The following LGALS3BP variants were observed in gnomAD, a reference collection of about 807,000 sequenced individuals.
LGALS3BP encodes galectin-3-binding protein.
A neutral mutation model predicts 22.9 loss-of-function variants in LGALS3BP; 25 were observed. The ratio of observed to expected loss-of-function variants is 1.09; its 90% CI spans 0.80 to 1.53. The LOEUF (loss-of-function observed/expected upper bound fraction) is 1.53. Among genes scored for constraint, LGALS3BP ranks in the 40% most tolerant of loss-of-function variants. The probability of loss-of-function intolerance (pLI) is 0.00; values close to 1 mark genes in which losing one functional copy is unlikely to be tolerated. For missense variants in LGALS3BP, 718 were observed against 752.0 expected (o/e 0.95, Z 0.53); for synonymous variants, 335 against 331.1 (o/e 1.01, Z -0.13).
At chr17:78,977,347 A>G (rs2070730226) in intron 1 of LGALS3BP, 133 bp from the exon 2 acceptor site, 3 of 680,370 alleles carry the variant, frequency 4.4e-6, no homozygotes, top group South Asian at 1.8e-5. Flanking sequence ...TGCAGAGCCC[A>G]CTATGATCCC....
rs1167348303 is a variant in LGALS3BP at position 78,971,710 on chromosome 17, C to A, written c.1624G>T (p.Ala542Ser). Reference sequence around the variant, plus strand: ...GTGTCCAGGGCACTGGGAATCGCAGCCTTCCAGCCCTCGAAATCGGTGACG... The same window carrying A: ...GTGTCCAGGGCACTGGGAATCGCAGACTTCCAGCCCTCGAAATCGGTGACG... ...ADVTDFEGWK[A>S]AIPSALDTNS... Residue 542 changes from alanine to serine, a missense_variant, in exon 6 of 6, where the codon GCT becomes TCT. By Grantham distance (99) the Ala-to-Ser change is moderately conservative. Coordinates refer to ENST00000262776, the MANE Select transcript of LGALS3BP (RefSeq NM_005567.4). The surrounding 1 kb of genome is among the most constrained non-coding windows in gnomAD (Gnocchi z 5.6). 6.2e-7 allele frequency: 1 copy of A among 1,613,996 alleles called. No individual in the cohort carries two copies. Among genetic ancestry groups the A allele is most frequent in the Non-Finnish European group, 8.5e-7 (1 of 1,180,026 alleles).
Position 78,976,978 on chromosome 17 carries a change from A to G in LGALS3BP, c.52+162T>C. ...GTGAGCCCCCGGGAACCTCCAAGTCATCATCACTGGGGATACCTGGTGCTT... is the reference window on the plus strand; with the variant it reads ...GTGAGCCCCCGGGAACCTCCAAGTCGTCATCACTGGGGATACCTGGTGCTT... On this transcript the variant is annotated intron_variant, in intron 2 of 5. Transcript: ENST00000262776. The surrounding 1 kb of genome is among the most constrained non-coding windows in gnomAD (Gnocchi z 4.6). 1 of 716,068 alleles carries G rather than the reference A, an allele frequency of 1.4e-6. No individual in the cohort carries two copies. 44.4% of individuals were successfully genotyped at this position (716,068 alleles called of 1,614,324 possible). A position where few individuals can be genotyped will look rare whatever the true frequency, so the allele number is the denominator to read the frequency against.
Position 78,976,274 on chromosome 17 carries a change from G to C in LGALS3BP, c.53-118C>G, listed in dbSNP as rs536020723. ...CTGAGCTTGTATTTCAGGGCTTCAA[G>C]GTCCCCTGGCCTCTCCATGAGGGGC... On this transcript the variant is annotated intron_variant, in intron 2 of 5. Transcript: ENST00000262776. The surrounding 1 kb of genome is among the most constrained non-coding windows in gnomAD (Gnocchi z 4.6). 1.1e-6 allele frequency: 1 copy of C among 910,814 alleles called. No homozygotes were observed. Among genetic ancestry groups the C allele is most frequent in the East Asian group, 2.7e-5 (1 of 36,670 alleles). 56.4% of individuals were successfully genotyped at this position (910,814 alleles called of 1,614,324 possible). A position where few individuals can be genotyped will look rare whatever the true frequency, so the allele number is the denominator to read the frequency against.
Position 78,971,282 on chromosome 17 carries a change from C to T in LGALS3BP, c.*294G>A. Reference sequence around the variant, plus strand: ...GGAACCTCAATGTAATTTTAATGACCTCAGACCAGTGACAAGGGCAGACTG... The same window carrying T: ...GGAACCTCAATGTAATTTTAATGACTTCAGACCAGTGACAAGGGCAGACTG... On this transcript the variant is annotated 3_prime_UTR_variant, in exon 6 of 6. Transcript: ENST00000262776. The surrounding 1 kb of genome is among the most constrained non-coding windows in gnomAD (Gnocchi z 5.6). The T allele has an allele frequency of 2.2e-6, 1 of 455,884 alleles. No homozygotes were observed. The highest frequency in any genetic ancestry group is 4.0e-6 in the Non-Finnish European group (1 of 252,742). The allele number at this position is 455,884 out of a possible 1,614,324, so 28.2% of individuals were successfully genotyped here.
chr17:78,971,987 G>T lies in LGALS3BP; in HGVS notation c.1347C>A (p.Ala449=). The T allele has an allele frequency of 6.8e-6, 11 of 1,614,114 alleles. No individual in the cohort carries two copies. The highest frequency in any genetic ancestry group is 8.5e-6 in the Non-Finnish European group (10 of 1,180,028). ...AGGGGTAGTATCTGTAGTCAGAGGG[G>T]GCTTGGAAGTAATCAGAAGAATATT... ...LVKYSSDYFQ[A]PSDYRYYPYQ... The change falls in exon 6 of 6, where the codon GCC becomes GCA. Residue 449 remains alanine (A), a synonymous_variant. Transcript: ENST00000262776. The surrounding 1 kb of genome is among the most constrained non-coding windows in gnomAD (Gnocchi z 5.6).
Position 78,971,780 on chromosome 17 carries a change from G to C in LGALS3BP, c.1554C>G (p.Tyr518Ter). ...KSGGSDRTIA[Y>*]ENKALMLCEG... Reference sequence around the variant, plus strand: ...CGCAGAGCATCAGGGCTTTGTTTTCGTAGGCAATGGTGCGATCTGAGCCGC... The same window carrying C: ...CGCAGAGCATCAGGGCTTTGTTTTCCTAGGCAATGGTGCGATCTGAGCCGC... Residue 518 changes from tyrosine to a stop codon, truncating the protein, a stop_gained, in exon 6 of 6, where the codon TAC (tyrosine) becomes TAG (stop). Coordinates refer to ENST00000262776, the MANE Select transcript of LGALS3BP (RefSeq NM_005567.4). LOFTEE classifies it low-confidence loss of function (END_TRUNC). This position sits in a 1 kb window ranked among gnomAD's most constrained non-coding sequence, Gnocchi z 5.6. 6.2e-7 allele frequency: 1 copy of C among 1,614,082 alleles called. No homozygotes were observed. Among genetic ancestry groups the C allele is most frequent in the Non-Finnish European group, 8.5e-7 (1 of 1,180,040 alleles).
Position 78,972,428 on chromosome 17 carries a change from G to C in LGALS3BP, c.906C>G (p.Asp302Glu), listed in dbSNP as rs368741094. ...TCCTGGGCAGCAGCAGTTGGAGCAGGTCTGTGGGGACACTGGGCCAGGCCT... is the reference window on the plus strand; with the variant it reads ...TCCTGGGCAGCAGCAGTTGGAGCAGCTCTGTGGGGACACTGGGCCAGGCCT... Reference protein sequence around the residue: ...QAEAWPSVPTDLLQLLLPRSD... With the variant: ...QAEAWPSVPTELLQLLLPRSD... Residue 302 changes from aspartate (D) to glutamate (E), a missense_variant, in exon 6 of 6, where the codon GAC becomes GAG. By Grantham distance (45) the Asp-to-Glu change is conservative (BLOSUM62 2). Transcript: ENST00000262776. The surrounding 1 kb of genome is among the most constrained non-coding windows in gnomAD (Gnocchi z 5.1). 1.4e-5 allele frequency: 22 copies of C among 1,613,470 alleles called. No individual in the cohort carries two copies. The highest frequency in any genetic ancestry group is 1.7e-5 in the Non-Finnish European group (20 of 1,179,992).
chr17:78,975,406 C>T (rs143604662), intron 3 of LGALS3BP, among the ~76,000 whole-genome samples: 9 of 152,230 alleles, frequency 5.9e-5, no homozygotes, highest in African/African-American at 1.9e-4. Flanking sequence ...CGAGCCCAGC[C>T]GAGCTCTTGA....
rs2070674749 is a variant in LGALS3BP at position 78,971,913 on chromosome 17, TTGTCCTGGAAGAGGAAGC to T, written c.1403_1420del (p.Ser468_Asp473del). 6.2e-7 allele frequency: 1 copy of T among 1,613,892 alleles called. No individual in the cohort carries two copies. The highest frequency in any genetic ancestry group is 8.5e-7 in the Non-Finnish European group (1 of 1,179,950). ...GTAGACCAGGGACCAGGACACCCTCTTGTCCTGGAAGAGGAAGCTGGGGTGTTGTGGAGTCTGGAAGGA... is the reference window on the plus strand; with the variant it reads ...GTAGACCAGGGACCAGGACACCCTCTTGGGGTGTTGTGGAGTCTGGAAGGA... On this transcript the variant is annotated inframe_deletion, in exon 6 of 6. Coordinates refer to ENST00000262776, the MANE Select transcript of LGALS3BP (RefSeq NM_005567.4). The surrounding 1 kb of genome is among the most constrained non-coding windows in gnomAD (Gnocchi z 5.6).
At position 78,974,569 on chromosome 17, in the gene LGALS3BP, G is replaced by A. The variant is rs1045933992; in HGVS notation, c.376+119C>T. The A allele has an allele frequency of 1.3e-5, 15 of 1,191,224 alleles. No individual in the cohort carries two copies. The Admixed American group carries it at 1.4e-4, about 11-fold the overall frequency. 73.8% of individuals were successfully genotyped at this position (1,191,224 alleles called of 1,614,324 possible). A position where few individuals can be genotyped will look rare whatever the true frequency, so the allele number is the denominator to read the frequency against. On this transcript the variant is annotated intron_variant, in intron 4 of 5. Coordinates refer to ENST00000262776, the MANE Select transcript of LGALS3BP (RefSeq NM_005567.4). Reference sequence around the variant, plus strand: ...GCCTCTCCATGCGGAGTGGGCAGGCGGTAGTGGAAGGAACCTTTGTGTGCT... The same window carrying A: ...GCCTCTCCATGCGGAGTGGGCAGGCAGTAGTGGAAGGAACCTTTGTGTGCT...
Position 78,976,058 on chromosome 17 carries a change from T to C in LGALS3BP, c.151A>G (p.Asn51Asp). The change falls in exon 3 of 6, where the codon AAC becomes GAC. Residue 51 changes from asparagine (N) to aspartate (D), a missense_variant. Transcript: ENST00000262776. The surrounding 1 kb of genome is among the most constrained non-coding windows in gnomAD (Gnocchi z 4.6). The part of the protein sequence containing the change: ...YRGQWGTVCD[N>D]LWDLTDASVV... Reference sequence around the variant, plus strand: ...CTGGCATCAGTCAGGTCCCACAGGTTGTCACACACAGTGCCCCACTGGCCT... The same window carrying C: ...CTGGCATCAGTCAGGTCCCACAGGTCGTCACACACAGTGCCCCACTGGCCT... 1 of 1,612,514 alleles carries C rather than the reference T, an allele frequency of 6.2e-7. No individual in the cohort carries two copies. The highest frequency in any genetic ancestry group is 8.5e-7 in the Non-Finnish European group (1 of 1,179,764).
Position 78,971,722 on chromosome 17 carries a change from C to T in LGALS3BP, c.1612G>A (p.Glu538Lys), listed in dbSNP as rs747440122. ...GLFVADVTDF[E>K]GWKAAIPSAL... is the part of the protein sequence containing the mutation. ...CTGGGAATCGCAGCCTTCCAGCCCT[C>T]GAAATCGGTGACGTCTGCCACGAAG... The change falls in exon 6 of 6, where the codon GAG becomes AAG. Residue 538 changes from glutamate (E) to lysine (K), a missense_variant. Coordinates refer to ENST00000262776, the MANE Select transcript of LGALS3BP (RefSeq NM_005567.4). This position sits in a 1 kb window ranked among gnomAD's most constrained non-coding sequence, Gnocchi z 5.6. 1.4e-5 allele frequency: 23 copies of T among 1,613,882 alleles called. No individual in the cohort carries two copies. The East Asian group carries it at 2.7e-4, about 19-fold the overall frequency.
In LGALS3BP at chr17:78,971,821, C is replaced by T. The variant is rs374944167; in HGVS notation, c.1513G>A (p.Gly505Ser). 7.9e-5 allele frequency: 127 copies of T among 1,613,962 alleles called. No individual in the cohort carries two copies. The highest frequency in any genetic ancestry group is 1.0e-4 in the Non-Finnish European group (121 of 1,180,040). ...TCTGAGCCGCCAGACTTGGTGAGGC[C>T]CAGGACAGGGAGCTCGTCCGAGGAG... ...SCSSDELPVL[G>S]LTKSGGSDRT... The change falls in exon 6 of 6, where the codon GGC becomes AGC. Residue 505 changes from glycine to serine, a missense_variant. Transcript: ENST00000262776. This position sits in a 1 kb window ranked among gnomAD's most constrained non-coding sequence, Gnocchi z 5.6.
intron 3 of LGALS3BP, 56 bp from the exon 4 acceptor site, chr17:78,974,875 C>T (rs2070706968): frequency 3.1e-6 from 5 of 1,595,026 alleles, no homozygotes; most frequent in African/African-American, 1.3e-5. Context: ...CCAGGAGTCC[C>T]ACAGCGCGAC....
At position 78,976,055 on chromosome 17, in the gene LGALS3BP, G is replaced by C. The variant is rs2070717575; in HGVS notation, c.154C>G (p.Leu52Val). 2 of 1,612,566 alleles carry C rather than the reference G, an allele frequency of 1.2e-6. No homozygotes were observed. The change falls in exon 3 of 6, where the codon CTG (leucine) becomes GTG (valine). Residue 52 changes from leucine to valine, a missense_variant. By Grantham distance (32) the Leu-to-Val change is conservative. Transcript: ENST00000262776. The surrounding 1 kb of genome is among the most constrained non-coding windows in gnomAD (Gnocchi z 4.6). ...RGQWGTVCDN[L>V]WDLTDASVVC... ...ACGCTGGCATCAGTCAGGTCCCACA[G>C]GTTGTCACACACAGTGCCCCACTGG...
At chr17:78,974,210 A>C (rs1269813700) in intron 4 of LGALS3BP, among the ~76,000 whole-genome samples, 2 of 152,222 alleles carry the variant, frequency 1.3e-5, no homozygotes, top group African/African-American at 4.8e-5. Context: ...GAAAAACAAG[A>C]AACTCAGATC....
chr17:78,973,057 T>G lies in LGALS3BP; in HGVS notation c.542A>C (p.Glu181Ala), dbSNP rs764740898. Residue 181 changes from glutamate (E) to alanine (A), a missense_variant, in exon 5 of 6, where the codon GAG becomes GCG. Physicochemically the swap from Glu to Ala is moderately radical, Grantham distance 107 (BLOSUM62 -1). Transcript: ENST00000262776. This position sits in a 1 kb window ranked among gnomAD's most constrained non-coding sequence, Gnocchi z 5.8. Reference protein sequence around the residue: ...GHTVILTANLEAQALWKEPGS... With the variant: ...GHTVILTANLAAQALWKEPGS... ...CGGCTCCTTCCACAGGGCCTGGGCC[T>G]CCAGGTTGGCAGTCAGGATGACCGT... 1.2e-6 allele frequency: 2 copies of G among 1,613,866 alleles called. No homozygotes were observed. The highest frequency in any genetic ancestry group is 2.2e-5 in the South Asian group (2 of 91,072).
chr17:78,974,856 C>T (rs1326817949), intron 3 of LGALS3BP, 37 bp from the exon 4 acceptor site: 4 of 1,604,696 alleles, frequency 2.5e-6, no homozygotes, highest in African/African-American at 1.3e-5. Flanking sequence ...GGGGGCGTGA[C>T]GACTGCACCC....
rs1488732340 is a variant in LGALS3BP at position 78,971,339 on chromosome 17, C to G, written c.*237G>C. 7.2e-6 allele frequency: 4 copies of G among 558,554 alleles called. No individual in the cohort carries two copies. The highest frequency in any genetic ancestry group is 1.3e-5 in the Non-Finnish European group (4 of 313,894). The allele number at this position is 558,554 out of a possible 1,614,324, so 34.6% of individuals were successfully genotyped here. A position where few individuals can be genotyped will look rare whatever the true frequency, so the allele number is the denominator to read the frequency against. On this transcript the variant is annotated 3_prime_UTR_variant, in exon 6 of 6. Coordinates refer to ENST00000262776, the MANE Select transcript of LGALS3BP (RefSeq NM_005567.4). This position sits in a 1 kb window ranked among gnomAD's most constrained non-coding sequence, Gnocchi z 5.6. Reference sequence around the variant, plus strand: ...GGCTGTGGGGGGATCCCAGAGCAACCTCGAGGGCGTCCTGGTGCTTACCAC... The same window carrying G: ...GGCTGTGGGGGGATCCCAGAGCAACGTCGAGGGCGTCCTGGTGCTTACCAC...
Sources: gnomAD v4.1 joint callset for allele counts (sites outside exome capture counted in the v4.1 genomes callset) on GRCh38, gnomAD v4.1.1 for gene constraint, Gnocchi (gnomAD v3.1) non-coding constraint, MANE v1.5 for transcripts, NCBI Gene and HGNC (gene_info 2026-07-23, HGNC 2026-07-21) for gene names.